MCTP1: variants seen among roughly 807,000 people sequenced by gnomAD.
MCTP1 encodes the protein multiple C2 and transmembrane domain containing 1.
MCTP1 carries 69 observed loss-of-function variants against 120.6 expected under a neutral mutation model. The observed-to-expected ratio is 0.57, with a 90% CI of 0.47 to 0.70. The LOEUF (loss-of-function observed/expected upper bound fraction) is 0.70. Among genes scored for constraint, MCTP1 ranks in the 30% least tolerant of loss-of-function variants. MCTP1 has a pLI of 0.00. For missense variants in MCTP1, 1,203 were observed against 1,248.8 expected, an observed-to-expected ratio of 0.96 and a Z score of 0.55; for synonymous variants, 529 against 493.1, an observed-to-expected ratio of 1.07 and a Z score of -0.96.
chr5:95,256,831 C>T (rs994459934), intron 1 of MCTP1, among the ~76,000 whole-genome samples: 1 of 152,124 alleles, frequency 6.6e-6, no homozygotes, highest in Non-Finnish European at 1.5e-5. Flanking sequence ...TTTTAGGGCA[C>T]ATTTACATGT....
At chr5:94,783,456 T>G (rs189607875) in intron 18 of MCTP1, among the ~76,000 whole-genome samples, 91 of 152,234 alleles carry the variant, frequency 6.0e-4, no homozygotes, top group Non-Finnish European at 6.9e-4. Flanking sequence ...ACATCTTGAT[T>G]TGCAAGGAAA....
intron 17 of MCTP1, among the ~76,000 whole-genome samples, chr5:94,805,287 T>C (rs1176768406): frequency 1.3e-5 from 2 of 152,164 alleles, no homozygotes; most frequent in Non-Finnish European, 2.9e-5. Flanking sequence ...ATTTTAACCA[T>C]AAATATTCAG....
chr5:94,784,687 T>C (rs1777268059), intron 18 of MCTP1: 1 of 151,946 alleles, frequency 6.6e-6, no homozygotes, highest in African/African-American at 2.4e-5. Flanking sequence ...GATTTGACCT[T>C]GGAGTATTTC....
At chr5:95,017,547 G>T in intron 1 of MCTP1, 63 bp from the exon 2 acceptor site, 1 of 1,115,120 alleles carries the variant, frequency 9.0e-7, no homozygotes, top group African/African-American at 1.6e-5. Flanking sequence ...TCTCTAAAGG[G>T]GGACCATATA....
At chr5:95,230,517 T>G (rs778874315) in intron 1 of MCTP1, among the ~76,000 whole-genome samples, 2 of 151,858 alleles carry the variant, frequency 1.3e-5, no homozygotes, top group Non-Finnish European at 2.9e-5. Flanking sequence ...TGTGGGAGGG[T>G]TGGAAGGAAT....
chr5:94,902,974 C>T (rs1805908870), intron 10 of MCTP1, among the ~76,000 whole-genome samples: 2 of 152,084 alleles, frequency 1.3e-5, no homozygotes, highest in South Asian at 4.2e-4. Context: ...TACAGCCTTT[C>T]TGAGAAAATC....
chr5:95,259,062 A>G (rs1344760236), intron 1 of MCTP1, among the ~76,000 whole-genome samples: 1 of 152,176 alleles, frequency 6.6e-6, no homozygotes, highest in Non-Finnish European at 1.5e-5. Context: ...AATGATCAGC[A>G]CCTGTGTCTT....
At chr5:94,894,040 A>G (rs1803309422) in intron 11 of MCTP1, among the ~76,000 whole-genome samples, 1 of 152,186 alleles carries the variant, frequency 6.6e-6, no homozygotes, top group African/African-American at 2.4e-5. Context: ...TTGGTTGTGA[A>G]TATTTCAGTT....
At chr5:95,028,709 A>C (rs975978669) in intron 1 of MCTP1, among the ~76,000 whole-genome samples, 1 of 152,264 alleles carries the variant, frequency 6.6e-6, no homozygotes, top group African/African-American at 2.4e-5. Context: ...TAGACCATGT[A>C]AACAGACTTT....
intron 2 of MCTP1, among the ~76,000 whole-genome samples, chr5:94,970,297 A>G (rs1016435207): frequency 1.3e-5 from 2 of 151,966 alleles, no homozygotes; most frequent in Non-Finnish European, 2.9e-5. Context: ...ATACATATGT[A>G]TGGATGTATT....
chr5:95,017,330 A>T, intron 2 of MCTP1, 37 bp downstream of exon 2: 1 of 1,330,270 alleles, frequency 7.5e-7, no homozygotes, highest in Non-Finnish European at 1.1e-6. Context: ...TAAACACATA[A>T]AAAAGCTTCT....
intron 17 of MCTP1, among the ~76,000 whole-genome samples, chr5:94,852,961 G>T (rs933785432): frequency 6.6e-6 from 1 of 151,810 alleles, no homozygotes; most frequent in Admixed American, 6.6e-5. Context: ...AGCCATAAAA[G>T]AACAGATAAC....
chr5:94,856,247 GA>G (rs1222540216), intron 17 of MCTP1, among the ~76,000 whole-genome samples: 5 of 151,642 alleles, frequency 3.3e-5, no homozygotes, highest in Non-Finnish European at 5.9e-5. Context: ...ATGTTAAAGG[GA>G]ATCCTCTAAC....
intron 17 of MCTP1, among the ~76,000 whole-genome samples, chr5:94,844,906 C>A (rs535346525): frequency 1.6e-3 from 242 of 152,100 alleles, no homozygotes; most frequent in African/African-American, 5.6e-3. Flanking sequence ...CTGGAAGAAA[C>A]CCAGTAGGCC....
rs754013464 is a variant in MCTP1, at chr5:95,017,358, T to C, written c.838+9A>G. The C allele has an allele frequency of 3.1e-5, 48 of 1,570,178 alleles. No individual in the cohort carries two copies. The African/African-American group carries it at 5.2e-4, about 17-fold the overall frequency. ...AAGCTTCTAGGTGATATTGCTCTTA[T>C]GCTCTTACCTCCTCGATCTCGAGCA... On this transcript the variant is annotated intron_variant, in intron 2 of 22. Coordinates refer to ENST00000515393, the MANE Select transcript of MCTP1 (RefSeq NM_024717.7).
At chr5:94,939,187 A>G (rs967286556) in intron 5 of MCTP1, among the ~76,000 whole-genome samples, 1 of 152,034 alleles carries the variant, frequency 6.6e-6, no homozygotes, top group Admixed American at 6.6e-5. Context: ...GTAATTCACT[A>G]TTTTTACCTG....
chr5:95,024,084 C>G, intron 1 of MCTP1: 5 of 449,248 alleles, frequency 1.1e-5, no homozygotes, highest in Non-Finnish European at 2.2e-5. Context: ...CTTTGTTGTG[C>G]AGAAGCTTTT....
At chr5:95,002,571 C>T (rs969765995) in intron 2 of MCTP1, among the ~76,000 whole-genome samples, 22 of 152,172 alleles carry the variant, frequency 1.4e-4, no homozygotes, top group African/African-American at 5.1e-4. Flanking sequence ...AACGACTGCC[C>T]TATTGGATTT....
At chr5:94,755,095 T>C (rs1006667455) in intron 19 of MCTP1, among the ~76,000 whole-genome samples, 3 of 152,156 alleles carry the variant, frequency 2.0e-5, no homozygotes, top group Non-Finnish European at 4.4e-5. Context: ...GTCCTCCCAG[T>C]CCTCCCACTT....
Sources: gnomAD v4.1 joint callset for allele counts (sites outside exome capture counted in the v4.1 genomes callset) on GRCh38, gnomAD v4.1.1 for gene constraint, MANE v1.5 for transcripts, NCBI Gene and HGNC (gene_info 2026-07-23, HGNC 2026-07-21) for gene names.